The following INPP4B variants were observed in gnomAD, a reference collection of about 807,000 sequenced individuals.
The protein encoded by INPP4B is inositol polyphosphate 4-phosphatase type II.
A neutral mutation model predicts 122.5 loss-of-function variants in INPP4B; 55 were observed. That is an observed-to-expected ratio of 0.45 (90% CI 0.36 to 0.56). The LOEUF (loss-of-function observed/expected upper bound fraction) is 0.56, where lower values mean the gene tolerates loss of function less well. Ranked by LOEUF, INPP4B falls within the 20% of genes least tolerant of loss-of-function variation. The pLI, the probability that INPP4B is intolerant of heterozygous loss-of-function variation, is 0.00. For missense variants in INPP4B, 1,000 were observed against 1,097.7 expected (o/e 0.91, Z 1.26); for synonymous variants, 403 against 388.7 (o/e 1.04, Z -0.43).
intron 1 of INPP4B, among the ~76,000 whole-genome samples, chr4:142,784,717 G>A (rs912946785): frequency 2.0e-5 from 3 of 151,942 alleles, no homozygotes; most frequent in African/African-American, 4.8e-5. Flanking sequence ...GTAAAGATCT[G>A]AGAAAAATGT....
intron 1 of INPP4B, chr4:142,795,420 T>C (rs1183448536): frequency 6.6e-6 from 1 of 152,008 alleles, no homozygotes; most frequent in East Asian, 1.9e-4. Flanking sequence ...AACTGCCATA[T>C]TTTCACTTTG....
intron 2 of INPP4B, among the ~76,000 whole-genome samples, chr4:142,628,883 T>G (rs558768179): frequency 1.3e-5 from 2 of 152,094 alleles, no homozygotes; most frequent in African/African-American, 4.8e-5. Context: ...TAAAGTATCA[T>G]AGATAACACA....
At position 142,514,954 on chromosome 4, in the gene INPP4B, C is replaced by G. The variant is rs185811048; in HGVS notation, c.-190-52228G>C. On this transcript the variant is annotated intron_variant, in intron 2 of 25. Coordinates refer to ENST00000262992, the MANE Select transcript of INPP4B (RefSeq NM_001101669.3). ...GGGACTACAGGCACCCACCACCATG[C>G]CTGGCTAATTTTTGTGTTTTTAGTA... Among the ~76,000 whole-genome samples, 248 of 152,050 alleles carry G rather than the reference C, an allele frequency of 1.6e-3. 2 individuals are homozygous for G. Among genetic ancestry groups the G allele is most frequent in the Middle Eastern group, 6.8e-3 (2 of 294 alleles).
intron 23 of INPP4B, among the ~76,000 whole-genome samples, chr4:142,090,604 T>C (rs1349681768): frequency 6.6e-6 from 1 of 152,124 alleles, no homozygotes; most frequent in Admixed American, 6.5e-5. Context: ...CAAATGTAAA[T>C]ATAGCCAAAG....
intron 5 of INPP4B, among the ~76,000 whole-genome samples, chr4:142,420,386 T>C (rs1806616739): frequency 6.6e-6 from 1 of 152,112 alleles, no homozygotes; most frequent in Non-Finnish European, 1.5e-5. Flanking sequence ...TGATGTATCA[T>C]ATCTCATATC....
At chr4:142,782,156 C>CA (rs1774948488) in intron 1 of INPP4B, among the ~76,000 whole-genome samples, 1 of 151,816 alleles carries the variant, frequency 6.6e-6, no homozygotes, top group South Asian at 2.1e-4. Context: ...CAACAGTCCC[C>CA]AGAGTGTGAT....
chr4:142,684,296 C>T (rs183184186), intron 2 of INPP4B, among the ~76,000 whole-genome samples: 5 of 152,060 alleles, frequency 3.3e-5, no homozygotes, highest in East Asian at 3.9e-4. Flanking sequence ...TGGGCCTTAC[C>T]GAATAGCGCT....
intron 2 of INPP4B, among the ~76,000 whole-genome samples, chr4:142,597,637 A>G (rs1034583861): frequency 1.3e-5 from 2 of 152,158 alleles, no homozygotes; most frequent in African/African-American, 4.8e-5. Context: ...TGAATCTGTA[A>G]GCTCCTTTCT....
chr4:142,405,408 T>A, intron 5 of INPP4B, 84 bp from the exon 6 acceptor site: 1 of 808,584 alleles, frequency 1.2e-6, no homozygotes, highest in Non-Finnish European at 2.1e-6. Flanking sequence ...AAAGTGAACT[T>A]AGCTACAGCA....
chr4:142,481,205 G>C (rs1276141203), intron 2 of INPP4B, among the ~76,000 whole-genome samples: 1 of 150,976 alleles, frequency 6.6e-6, no homozygotes, highest in Non-Finnish European at 1.5e-5. Flanking sequence ...AAATGAGTGA[G>C]AGAACAGTAG....
At chr4:142,224,360 T>C (rs1179361600) in intron 12 of INPP4B, among the ~76,000 whole-genome samples, 1 of 152,118 alleles carries the variant, frequency 6.6e-6, no homozygotes, top group Non-Finnish European at 1.5e-5. Flanking sequence ...GAGTTTTTAA[T>C]ATATATTTTT....
intron 14 of INPP4B, 32 bp from the exon 15 acceptor site, chr4:142,193,227 T>G: frequency 8.0e-7 from 1 of 1,242,470 alleles, no homozygotes; most frequent in Non-Finnish European, 1.2e-6. Context: ...AGATGAACAC[T>G]TTGCAAACAT....
chr4:142,320,763 G>A lies in INPP4B; in HGVS notation c.373-6001C>T, dbSNP rs376385487. ...ATACTATGTTTGGTTTTCCATTCCT[G>A]AGTTACTTCACTTAGAATAATGGTC... On this transcript the variant is annotated intron_variant, in intron 7 of 25. Transcript: ENST00000262992. Among the ~76,000 whole-genome samples the A allele has an allele frequency of 2.0e-5, 3 of 152,208 alleles. No homozygotes were observed. In the South Asian group the frequency reaches 6.2e-4, roughly 32 times the overall value.
intron 25 of INPP4B, among the ~76,000 whole-genome samples, chr4:142,075,103 T>C (rs990313734): frequency 2.0e-5 from 3 of 152,060 alleles, no homozygotes; most frequent in Non-Finnish European, 4.4e-5. Context: ...TAGTGCATAG[T>C]AAGTCCTCAT....
chr4:142,039,091 G>A (rs996688244), intron 25 of INPP4B, among the ~76,000 whole-genome samples: 3 of 152,058 alleles, frequency 2.0e-5, no homozygotes, highest in Non-Finnish European at 4.4e-5. Context: ...TAGATTCAGT[G>A]ACCTCTAAAA....
chr4:142,431,477 A>G, intron 3 of INPP4B, 92 bp from the exon 4 acceptor site: 1 of 542,992 alleles, frequency 1.8e-6, no homozygotes, highest in Non-Finnish European at 3.3e-6. Context: ...ACTACATTCA[A>G]ATAAACTTTC....
chr4:142,250,194 A>T (rs561905420), intron 11 of INPP4B, among the ~76,000 whole-genome samples: 6 of 152,234 alleles, frequency 3.9e-5, no homozygotes, highest in Admixed American at 3.3e-4. Context: ...TCCACCCTAA[A>T]TTCACCAGAT....
chr4:142,283,870 G>C (rs1752320475), intron 9 of INPP4B, among the ~76,000 whole-genome samples: 1 of 152,044 alleles, frequency 6.6e-6, no homozygotes, highest in South Asian at 2.1e-4. Flanking sequence ...CTGAGGTATA[G>C]GACCCTTTAA....
In INPP4B at chr4:142,434,892, G is replaced by GA. The variant is rs200637851; in HGVS notation, c.-126-3508dup. Among the ~76,000 whole-genome samples, 614 of 148,754 alleles carry GA rather than the reference G, an allele frequency of 4.1e-3. 3 individuals carry two copies. Among genetic ancestry groups the GA allele is most frequent in the African/African-American group, 0.013 (539 of 40,558 alleles). ...GCACTACCAGATAGCTGATAAACTA[G>GA]AAAAAAAAAATCACCAAAAAAAGGC... On this transcript the variant is annotated intron_variant, in intron 3 of 25. Transcript: ENST00000262992.
Sources: gnomAD v4.1 joint callset for allele counts (sites outside exome capture counted in the v4.1 genomes callset) on GRCh38, gnomAD v4.1.1 for gene constraint, MANE v1.5 for transcripts, NCBI Gene and HGNC (gene_info 2026-07-23, HGNC 2026-07-21) for gene names.